LRIG1: variants seen among roughly 807,000 people sequenced by gnomAD.
LRIG1 encodes the protein leucine-rich repeats and immunoglobulin-like domains protein 1.
LRIG1 carries 48 observed loss-of-function variants against 99.2 expected under a neutral mutation model. That is an observed-to-expected ratio of 0.48 (90% CI 0.38 to 0.62). The LOEUF is 0.62. LRIG1 is among the 20% of genes least tolerant of loss of function. LRIG1 has a pLI of 0.00. For synonymous variants in LRIG1, 772 were observed against 596.1 expected (o/e 1.29, Z -4.30); for missense variants, 1,646 against 1,434.4 (o/e 1.15, Z -2.38).
intron 1 of LRIG1, among the ~76,000 whole-genome samples, chr3:66,466,462 G>A (rs1245191848): frequency 2.0e-5 from 3 of 152,188 alleles, no homozygotes; most frequent in Non-Finnish European, 2.9e-5. Flanking sequence ...TGTGAATGAT[G>A]TTGCTATCAA....
chr3:66,483,899 G>A (rs777173826), intron 1 of LRIG1, among the ~76,000 whole-genome samples: 6 of 152,232 alleles, frequency 3.9e-5, no homozygotes, highest in East Asian at 1.9e-4. Flanking sequence ...CGAGGCGCCC[G>A]AGGACCTCAT....
intron 1 of LRIG1, among the ~76,000 whole-genome samples, chr3:66,467,165 C>T (rs557461112): frequency 1.3e-5 from 2 of 152,196 alleles, no homozygotes; most frequent in Non-Finnish European, 2.9e-5. Flanking sequence ...TCGCTGAGCA[C>T]GTTTCCTAAC....
intron 1 of LRIG1, 53 bp from the exon 2 acceptor site, chr3:66,462,562 C>A: frequency 8.0e-7 from 1 of 1,246,216 alleles, no homozygotes; most frequent in East Asian, 2.4e-5. Flanking sequence ...GCATCATACC[C>A]AGAATTCAGA....
intron 8 of LRIG1, 75 bp downstream of exon 8, chr3:66,407,273 A>G (rs1702302239): frequency 6.6e-7 from 1 of 1,526,028 alleles, no homozygotes; most frequent in South Asian, 1.1e-5. Context: ...ATGGAGTTCA[A>G]CAAAGCAGAT....
chr3:66,477,269 C>T (rs1319080193), intron 1 of LRIG1, among the ~76,000 whole-genome samples: 2 of 152,130 alleles, frequency 1.3e-5, no homozygotes, highest in Non-Finnish European at 2.9e-5. Flanking sequence ...GCCATTAGGG[C>T]CAGGTGGCAC....
intron 8 of LRIG1, chr3:66,406,497 C>T (rs1575666447): frequency 1.9e-5 from 17 of 882,016 alleles, no homozygotes; most frequent in Middle Eastern, 5.9e-4. Flanking sequence ...ACATTAAAGC[C>T]GGCTCTGCCA....
intron 1 of LRIG1, among the ~76,000 whole-genome samples, chr3:66,496,221 C>T (rs962070024): frequency 1.4e-4 from 21 of 152,240 alleles, no homozygotes; most frequent in South Asian, 1.2e-3. Flanking sequence ...CCTTGAAAAG[C>T]GGGGCAGGAA....
chr3:66,381,070 T>G, intron 17 of LRIG1: 1 of 603,792 alleles, frequency 1.7e-6, no homozygotes. Flanking sequence ...CTTTCGTGTT[T>G]ACAGTGAATT....
In LRIG1 at chr3:66,399,019, T is replaced by C. The variant is rs138286276; in HGVS notation, c.1183A>G (p.Lys395Glu). ...GAGAATGCTCTCTTAGCCACAGACT[T>C]GATCTTGTTTCCAAACAGAGTCCTG... ...SKLTLFGNKI[K>E]SVAKRAFSGL... The change falls in exon 10 of 19, where the codon AAG becomes GAG. Residue 395 changes from lysine (K) to glutamate (E), a missense_variant. Physicochemically the swap from Lys to Glu is moderately conservative, Grantham distance 56 (BLOSUM62 1). Transcript: ENST00000273261. The C allele has an allele frequency of 9.3e-6, 15 of 1,614,008 alleles. No homozygotes were observed. The highest frequency in any genetic ancestry group is 1.2e-5 in the Non-Finnish European group (14 of 1,180,008).
At position 66,380,293 on chromosome 3, in the gene LRIG1, C is replaced by T. The variant is rs1036549689; in HGVS notation, c.3252G>A (p.Arg1084=). 3.0e-5 allele frequency: 48 copies of T among 1,613,488 alleles called. No homozygotes were observed. The highest frequency in any genetic ancestry group is 3.8e-5 in the Non-Finnish European group (45 of 1,179,640). Reference sequence around the variant, plus strand: ...TTTTTGGTGCCAACAGCAGTGGCACCCTCTGTTTCCCGGGGAGCTGTCCTG... The same window carrying T: ...TTTTTGGTGCCAACAGCAGTGGCACTCTCTGTTTCCCGGGGAGCTGTCCTG... ...PLTGQLPGKQ[R]VPLLLAPKS The change falls in exon 19 of 19, where the codon AGG becomes AGA. Residue 1084 remains arginine, a synonymous_variant. Coordinates refer to ENST00000273261, the MANE Select transcript of LRIG1 (RefSeq NM_015541.3).
intron 7 of LRIG1, 142 bp from the exon 8 acceptor site, chr3:66,407,633 A>C (rs1243225410): frequency 4.4e-5 from 34 of 777,052 alleles, no homozygotes; most frequent in Non-Finnish European, 7.1e-5. Context: ...GCACACACAC[A>C]CCCACACCCA....
chr3:66,451,779 T>A (rs1016028430), intron 2 of LRIG1, 146 bp from the exon 3 acceptor site: 2 of 633,514 alleles, frequency 3.2e-6, no homozygotes, highest in Admixed American at 3.3e-5. Flanking sequence ...AATTTAGCAG[T>A]GAGTTTTTAA....
At chr3:66,398,235 G>C (rs751244855) in intron 10 of LRIG1, 52 bp from the exon 11 acceptor site, 1 of 1,422,806 alleles carries the variant, frequency 7.0e-7, no homozygotes, top group Admixed American at 1.7e-5. Flanking sequence ...TACACCTGAG[G>C]GGTTTTCAGG....
At position 66,383,208 on chromosome 3, in the gene LRIG1, T is replaced by G. The variant is rs1367432013; in HGVS notation, c.2265A>C (p.Ala755=). Residue 755 remains alanine, a synonymous_variant, in exon 15 of 19, where the codon GCA becomes GCC. Coordinates refer to ENST00000273261, the MANE Select transcript of LRIG1 (RefSeq NM_015541.3). ...CACAGGTATATCGGCCCGCATCCTC[T>G]GCCACCACGTTCTGAACCACCAGGA... ...NQLLVVQNVV[A]EDAGRYTCEM... is the part of the protein sequence containing the mutation. 3 of 1,614,240 alleles carry G rather than the reference T, an allele frequency of 1.9e-6. No individual in the cohort carries two copies. The highest frequency in any genetic ancestry group is 1.7e-6 in the Non-Finnish European group (2 of 1,180,052).
intron 3 of LRIG1, among the ~76,000 whole-genome samples, chr3:66,442,464 G>T (rs1311566644): frequency 6.6e-6 from 1 of 152,126 alleles, no homozygotes; most frequent in East Asian, 1.9e-4. Context: ...AGGAGGAGGA[G>T]GAGGAGGAGG....
intron 1 of LRIG1, among the ~76,000 whole-genome samples, chr3:66,483,396 T>A (rs1700895684): frequency 6.6e-6 from 1 of 152,174 alleles, no homozygotes; most frequent in South Asian, 2.1e-4. Flanking sequence ...CTGCCTGAAG[T>A]CTCCTGCCAT....
intron 3 of LRIG1, among the ~76,000 whole-genome samples, chr3:66,430,739 C>T (rs1004212843): frequency 6.6e-5 from 10 of 152,122 alleles, no homozygotes; most frequent in African/African-American, 2.4e-4. Context: ...AGATGAAAAA[C>T]CAGGCTCAAG....
chr3:66,453,788 C>T (rs573038177), intron 2 of LRIG1, among the ~76,000 whole-genome samples: 3 of 152,332 alleles, frequency 2.0e-5, no homozygotes, highest in African/African-American at 7.2e-5. Context: ...AGTTGTTTTT[C>T]AGCCAGCTTA....
rs563913976 is a variant in LRIG1 at position 66,419,213 on chromosome 3, C to G, written c.366-1947G>C. ...CTTACATTGCGAAGCCGTGGGACAG[C>G]TGCAGGCCCAACATCTCTCCCACGC... is the stretch of plus-strand genomic sequence containing the variant. On this transcript the variant is annotated intron_variant, in intron 3 of 18. Coordinates refer to ENST00000273261, the MANE Select transcript of LRIG1 (RefSeq NM_015541.3). 2.6e-5 allele frequency among the ~76,000 whole-genome samples: 4 copies of G among 152,320 alleles called. No individual in the cohort carries two copies. In the East Asian group the frequency reaches 5.8e-4, roughly 22 times the overall value.
Sources: allele counts gnomAD v4.1 joint callset (sites outside exome capture counted in the v4.1 genomes callset), GRCh38; gene constraint gnomAD v4.1.1; transcripts MANE v1.5; gene names NCBI Gene and HGNC (gene_info 2026-07-23, HGNC 2026-07-21).